TRHDE: variants seen among roughly 807,000 people sequenced by gnomAD.
The protein encoded by TRHDE is thyrotropin-releasing hormone-degrading ectoenzyme.
Under a neutral mutation model 125.7 loss-of-function variants are expected in TRHDE, and 72 were observed. The ratio of observed to expected loss-of-function variants is 0.57; its 90% CI spans 0.47 to 0.70. The LOEUF is 0.70. Among genes scored for constraint, TRHDE ranks in the 30% least tolerant of loss-of-function variants. The pLI is 0.00. For synonymous variants in TRHDE, 509 were observed against 509.1 expected, an observed-to-expected ratio of 1.00 and a Z score of 0.00; for missense variants, 1,110 against 1,327.1, an observed-to-expected ratio of 0.84 and a Z score of 2.54.
At chr12:72,342,976 G>A (rs35567773) in intron 2 of TRHDE, among the ~76,000 whole-genome samples, 18,820 of 152,076 alleles carry the variant, frequency 0.12, 1,746 homozygotes, top group East Asian at 0.47. Flanking sequence ...TATGAGGTGG[G>A]TCCTGTTACT....
chr12:72,257,804 G>C (rs1462947230), intron 2 of TRHDE: 1 of 152,138 alleles, frequency 6.6e-6, no homozygotes, highest in African/African-American at 2.4e-5. Context: ...GAGGAAGATG[G>C]TTTAGAAAAT....
intron 6 of TRHDE, among the ~76,000 whole-genome samples, chr12:72,530,795 G>A (rs995192387): frequency 6.6e-6 from 1 of 151,436 alleles, no homozygotes; most frequent in Non-Finnish European, 1.5e-5. Flanking sequence ...CTATTCTCCA[G>A]CACACTCTAT....
At chr12:72,313,898 T>C (rs1381505309) in intron 2 of TRHDE, among the ~76,000 whole-genome samples, 1 of 152,214 alleles carries the variant, frequency 6.6e-6, no homozygotes. Flanking sequence ...CAGTTCACTT[T>C]ATAATGCTGA....
At chr12:72,258,555 CT>C (rs1878870742) in intron 2 of TRHDE, among the ~76,000 whole-genome samples, 1 of 152,096 alleles carries the variant, frequency 6.6e-6, no homozygotes, top group South Asian at 2.1e-4. Flanking sequence ...CATTTTCAAA[CT>C]TACAGAAAAT....
intron 2 of TRHDE, among the ~76,000 whole-genome samples, chr12:72,117,683 A>G (rs1302794063): frequency 6.6e-6 from 1 of 152,098 alleles, no homozygotes; most frequent in Non-Finnish European, 1.5e-5. Context: ...GGACATTTTA[A>G]TAATATTTAT....
chr12:72,361,789 A>G (rs1302848855), intron 2 of TRHDE, among the ~76,000 whole-genome samples: 6 of 137,014 alleles, frequency 4.4e-5, no homozygotes, highest in Non-Finnish European at 9.3e-5. Context: ...TTCAATTCCC[A>G]CCTATGAGTG....
rs140940529 is a variant in TRHDE, at chr12:72,403,241, G to A, written c.1315+25120G>A. On this transcript the variant is annotated intron_variant, in intron 3 of 18. Coordinates refer to ENST00000261180, the MANE Select transcript of TRHDE (RefSeq NM_013381.3). The stretch of plus-strand genomic sequence containing the variant: ...GTTTGGTTTGTTGTGAGAGCACAAA[G>A]GAGGGTCTCTTCCTTGAATAAATCA... Among the ~76,000 whole-genome samples, 997 of 152,290 alleles carry A rather than the reference G, an allele frequency of 6.5e-3. 11 individuals carry two copies. The highest frequency in any genetic ancestry group is 0.017 in the Middle Eastern group (5 of 294).
At chr12:72,124,492 A>G (rs1442861416) in intron 2 of TRHDE, among the ~76,000 whole-genome samples, 2 of 152,160 alleles carry the variant, frequency 1.3e-5, no homozygotes, top group Admixed American at 1.3e-4. Context: ...TGTTTGTGGG[A>G]TAGAAGTAGT....
At chr12:72,237,862 G>A (rs959071414) in intron 2 of TRHDE, among the ~76,000 whole-genome samples, 1 of 152,132 alleles carries the variant, frequency 6.6e-6, no homozygotes, top group Non-Finnish European at 1.5e-5. Flanking sequence ...CCATACCTAT[G>A]TGGGATCTGG....
chr12:72,154,369 T>G (rs1274716439), intron 2 of TRHDE, among the ~76,000 whole-genome samples: 2 of 152,262 alleles, frequency 1.3e-5, no homozygotes, highest in Non-Finnish European at 2.9e-5. Context: ...CTGTGTCTAT[T>G]AATTGGAGCA....
At chr12:72,393,597 A>G (rs763018463) in intron 3 of TRHDE, among the ~76,000 whole-genome samples, 18 of 152,206 alleles carry the variant, frequency 1.2e-4, no homozygotes, top group Non-Finnish European at 2.6e-4. Flanking sequence ...CAGATTTTGT[A>G]TATCTGTTGT....
At chr12:72,115,880 T>C (rs1298060533) in intron 2 of TRHDE, among the ~76,000 whole-genome samples, 2 of 152,220 alleles carry the variant, frequency 1.3e-5, no homozygotes, top group Non-Finnish European at 2.9e-5. Context: ...CTAGGATACA[T>C]GTGCAGAATG....
chr12:72,322,730 A>G (rs1444447110), intron 2 of TRHDE, among the ~76,000 whole-genome samples: 2 of 152,158 alleles, frequency 1.3e-5, no homozygotes, highest in Admixed American at 6.6e-5. Flanking sequence ...CAATATGTGT[A>G]CAGATTTGCA....
chr12:72,241,612 A>G (rs1878483840), intron 2 of TRHDE, among the ~76,000 whole-genome samples: 1 of 152,146 alleles, frequency 6.6e-6, no homozygotes, highest in Non-Finnish European at 1.5e-5. Context: ...AGCTGTAGTA[A>G]ACGTTTGTGT....
At chr12:72,336,376 T>G (rs1243863928) in intron 2 of TRHDE, among the ~76,000 whole-genome samples, 1 of 152,200 alleles carries the variant, frequency 6.6e-6, no homozygotes, top group African/African-American at 2.4e-5. Context: ...ATTTCCTCTG[T>G]GCTTTTTCCT....
At chr12:72,236,746 G>T (rs1363777853) in intron 2 of TRHDE, among the ~76,000 whole-genome samples, 2 of 152,156 alleles carry the variant, frequency 1.3e-5, no homozygotes, top group African/African-American at 4.8e-5. Context: ...TCAATTTATA[G>T]TACTTGCTTT....
At chr12:72,518,152 C>A (rs1440705766) in intron 6 of TRHDE, among the ~76,000 whole-genome samples, 1 of 150,850 alleles carries the variant, frequency 6.6e-6, no homozygotes, top group Non-Finnish European at 1.5e-5. Flanking sequence ...CTGTAGATGT[C>A]TATTAGGTCT....
intron 6 of TRHDE, among the ~76,000 whole-genome samples, chr12:72,500,399 T>A (rs1878097463): frequency 6.6e-6 from 1 of 152,152 alleles, no homozygotes; most frequent in Non-Finnish European, 1.5e-5. Context: ...CTATGTACTT[T>A]TTTTTTCTTT....
chr12:72,204,518 C>T (rs1877625154), intron 2 of TRHDE, among the ~76,000 whole-genome samples: 1 of 152,130 alleles, frequency 6.6e-6, no homozygotes, highest in Non-Finnish European at 1.5e-5. Context: ...GTTTTTCCTA[C>T]TAGTCAAATT....
Sources: gnomAD v4.1 joint callset for allele counts (sites outside exome capture counted in the v4.1 genomes callset) on GRCh38, gnomAD v4.1.1 for gene constraint, MANE v1.5 for transcripts, NCBI Gene and HGNC (gene_info 2026-07-23, HGNC 2026-07-21) for gene names.